GARS1: variants seen among roughly 807,000 people sequenced by gnomAD.
The protein encoded by GARS1 is glycine--tRNA ligase.
In GARS1, 46 loss-of-function variants were observed where a neutral mutation model predicts 86.4. The ratio of observed to expected loss-of-function variants is 0.53; its 90% CI spans 0.42 to 0.68. The LOEUF is 0.68. Among genes scored for constraint, GARS1 ranks in the 30% least tolerant of loss-of-function variants. The probability of loss-of-function intolerance (pLI) is 0.00; values close to 1 mark genes in which losing one functional copy is unlikely to be tolerated. For missense variants in GARS1, 797 were observed against 915.6 expected (o/e 0.87, Z 1.67); for synonymous variants, 342 against 329.8 (o/e 1.04, Z -0.40).
In GARS1 at chr7:30,632,541, T is replaced by TC; in HGVS notation, c.2094+105dup. 1 of 1,266,960 alleles carries TC rather than the reference T, an allele frequency of 7.9e-7. No individual in the cohort carries two copies. Among genetic ancestry groups the TC allele is most frequent in the East Asian group, 2.4e-5 (1 of 40,964 alleles). The allele number at this position is 1,266,960 out of a possible 1,614,324, so 78.5% of individuals were successfully genotyped here. A position where few individuals can be genotyped will look rare whatever the true frequency, so the allele number is the denominator to read the frequency against. On this transcript the variant is annotated intron_variant, in intron 16 of 16. Transcript: ENST00000389266. This position sits in a 1 kb window ranked among gnomAD's most constrained non-coding sequence, Gnocchi z 4.1. ...GTTTATGCTCCCTTTCCTTTTTTTT[T>TC]CTTTTTAATTTTAATGAACGGCTTG... is the stretch of plus-strand genomic sequence containing the variant.
chr7:30,628,168 G>T (rs1783163289), intron 13 of GARS1, among the ~76,000 whole-genome samples: 1 of 151,630 alleles, frequency 6.6e-6, no homozygotes, highest in Non-Finnish European at 1.5e-5. Context: ...TTAGTGCTAA[G>T]AATTTTTTTC....
At chr7:30,608,826 G>A (rs1791534308) in intron 6 of GARS1, among the ~76,000 whole-genome samples, 1 of 152,172 alleles carries the variant, frequency 6.6e-6, no homozygotes, top group South Asian at 2.1e-4. Context: ...CCCATAAGTG[G>A]TGTAGAGTTG....
intron 12 of GARS1, among the ~76,000 whole-genome samples, 196 bp from the exon 13 acceptor site, chr7:30,626,038 T>C (rs1783121234): frequency 6.6e-6 from 1 of 152,254 alleles, no homozygotes; most frequent in African/African-American, 2.4e-5. Flanking sequence ...CAGAGTACTT[T>C]TTGGTGCCAT....
intron 13 of GARS1, 56 bp from the exon 14 acceptor site, chr7:30,628,504 G>A (rs902263054): frequency 1.7e-5 from 22 of 1,281,672 alleles, no homozygotes; most frequent in Non-Finnish European, 2.2e-5. Context: ...GAGAGAATCT[G>A]AAATGCATTA....
Position 30,601,116 on chromosome 7 carries a change from T to A in GARS1, c.485T>A (p.Ile162Asn). The A allele has an allele frequency of 6.2e-7, 1 of 1,614,070 alleles. No homozygotes were observed. Among genetic ancestry groups the A allele is most frequent in the Non-Finnish European group, 8.5e-7 (1 of 1,179,930 alleles). The change falls in exon 4 of 17, where the codon ATT becomes AAT. Residue 162 changes from isoleucine (I) to asparagine (N), a missense_variant. Ile to Asn is a moderately radical substitution (Grantham distance 149). Around this residue, in one of 2 missense-constraint regions of GARS1, gnomAD observed 598 missense variants for 738.7 expected, o/e 0.81. Transcript: ENST00000389266. The stretch of plus-strand genomic sequence containing the variant: ...GGCTGTGCTTTGAAGAACAATATTA[T>A]TCAGACCTGGAGGCAGCACTTTATC... ...PVGCALKNNI[I>N]QTWRQHFIQE...
At chr7:30,629,306 A>G (rs1783192200) in intron 14 of GARS1, among the ~76,000 whole-genome samples, 1 of 152,188 alleles carries the variant, frequency 6.6e-6, no homozygotes, top group Non-Finnish European at 1.5e-5. Context: ...TGAAGATAGA[A>G]GTTTATAAGA....
chr7:30,615,065 A>G (rs909009670), intron 8 of GARS1, among the ~76,000 whole-genome samples: 2 of 152,200 alleles, frequency 1.3e-5, no homozygotes, highest in Non-Finnish European at 2.9e-5. Context: ...TCTCCCGCAA[A>G]TAGCTACTAA....
intron 7 of GARS1, among the ~76,000 whole-genome samples, 191 bp from the exon 8 acceptor site, chr7:30,611,905 C>T (rs916253502): frequency 6.6e-6 from 1 of 152,190 alleles, no homozygotes; most frequent in Admixed American, 6.5e-5. Flanking sequence ...TTACTTAATA[C>T]ATTTTCTAAT....
intron 8 of GARS1, 108 bp downstream of exon 8, chr7:30,612,353 T>G: frequency 9.5e-7 from 1 of 1,056,840 alleles, no homozygotes; most frequent in Non-Finnish European, 1.4e-6. Context: ...GATTATGAAT[T>G]TATTTTTGTT....
chr7:30,627,179 C>G (rs1337865149), intron 13 of GARS1: 1 of 406,722 alleles, frequency 2.5e-6, no homozygotes, highest in Non-Finnish European at 5.0e-6. Flanking sequence ...GAAGCTACTG[C>G]CAGTGGAAAG....
At chr7:30,607,977 A>C (rs1380340466) in intron 6 of GARS1, among the ~76,000 whole-genome samples, 2 of 152,228 alleles carry the variant, frequency 1.3e-5, no homozygotes, top group Admixed American at 6.5e-5. Context: ...TTCACATAAC[A>C]AAATATTTCA....
At position 30,633,835 on chromosome 7, in the gene GARS1, G is replaced by C; in HGVS notation, c.2195G>C (p.Gly732Ala). The change falls in exon 17 of 17, where the codon GGT becomes GCT. Residue 732 changes from glycine to alanine, a missense_variant. By Grantham distance (60) the Gly-to-Ala change is moderately conservative. Around this residue, in one of 2 missense-constraint regions of GARS1, gnomAD observed 598 missense variants for 738.7 expected, o/e 0.81. Coordinates refer to ENST00000389266, the MANE Select transcript of GARS1 (RefSeq NM_002047.4). ...CCTCTGTTTGAAGGGCAAGAGACTG[G>C]TAAAAAAGAGACAATCGAGGAATGA... ...RYPLFEGQET[G>A]KKETIEE 1 of 1,512,774 alleles carries C rather than the reference G, an allele frequency of 6.6e-7. No individual in the cohort carries two copies. Among genetic ancestry groups the C allele is most frequent in the Middle Eastern group, 1.8e-4 (1 of 5,502 alleles). The allele number at this position is 1,512,774 out of a possible 1,614,324, so 93.7% of individuals were successfully genotyped here.
At chr7:30,628,463 G>A (rs1326069820) in intron 13 of GARS1, 97 bp from the exon 14 acceptor site, 9 of 882,612 alleles carry the variant, frequency 1.0e-5, no homozygotes, top group Non-Finnish European at 1.5e-5. Flanking sequence ...GGGATTACAG[G>A]TGTGAGCCAC....
At chr7:30,630,161 A>G (rs546694936) in intron 14 of GARS1, among the ~76,000 whole-genome samples, 79 of 152,356 alleles carry the variant, frequency 5.2e-4, no homozygotes, top group African/African-American at 1.9e-3. Context: ...GAAATTTTAA[A>G]AATTATTTTT....
chr7:30,622,632 G>T (rs889974934), intron 12 of GARS1, 170 bp downstream of exon 12: 5 of 714,454 alleles, frequency 7.0e-6, no homozygotes, highest in Non-Finnish European at 1.2e-5. Flanking sequence ...CCTGAAAAAA[G>T]ATTTGAAATA....
At chr7:30,605,480 A>C (rs1411704639) in intron 6 of GARS1, among the ~76,000 whole-genome samples, 1 of 152,204 alleles carries the variant, frequency 6.6e-6, no homozygotes, top group African/African-American at 2.4e-5. Flanking sequence ...TTTTGTATCT[A>C]TTCCCCTCTC....
intron 3 of GARS1, among the ~76,000 whole-genome samples, chr7:30,600,464 ATT>A (rs948628943): frequency 1.3e-5 from 2 of 152,254 alleles, no homozygotes; most frequent in Non-Finnish European, 2.9e-5. Flanking sequence ...AGGAGAAAAC[ATT>A]CTTCCCAGGG....
rs1345359089 is a variant in GARS1 at position 30,601,127 on chromosome 7, A to G, written c.496A>G (p.Arg166Gly). ...GAAGAACAATATTATTCAGACCTGG[A>G]GGCAGCACTTTATCCAAGAGGAACA... ...ALKNNIIQTW[R>G]QHFIQEEQIL... is the part of the protein sequence containing the mutation. The change falls in exon 4 of 17, where the codon AGG becomes GGG. Residue 166 changes from arginine (R) to glycine (G), a missense_variant. This residue lies in a region of GARS1 where 598 missense variants were observed against 738.7 expected (regional missense o/e 0.81). Coordinates refer to ENST00000389266, the MANE Select transcript of GARS1 (RefSeq NM_002047.4). 5 of 1,613,968 alleles carry G rather than the reference A, an allele frequency of 3.1e-6. No homozygotes were observed. Among genetic ancestry groups the G allele is most frequent in the Non-Finnish European group, 4.2e-6 (5 of 1,179,968 alleles).
Position 30,621,408 on chromosome 7 carries a change from G to A in GARS1, c.1375G>A (p.Val459Ile), listed in dbSNP as rs1315120109. ...ATCTTTTTAGGGTTGGATTGAGATT[G>A]TTGGATGTGCTGATCGTTCCTGTTA... ...SKTSYGWIEI[V>I]GCADRSCYDL... is the part of the protein sequence containing the mutation. The change falls in exon 11 of 17, where the codon GTT becomes ATT. Residue 459 changes from valine to isoleucine, a missense_variant. By Grantham distance (29) the Val-to-Ile change is conservative. Around this residue, in one of 2 missense-constraint regions of GARS1, gnomAD observed 598 missense variants for 738.7 expected, o/e 0.81. Transcript: ENST00000389266. 1.2e-6 allele frequency: 2 copies of A among 1,614,084 alleles called. No homozygotes were observed. Among genetic ancestry groups the A allele is most frequent in the African/African-American group, 2.7e-5 (2 of 75,054 alleles).
Sources: allele counts gnomAD v4.1 joint callset (sites outside exome capture counted in the v4.1 genomes callset), GRCh38; gene constraint gnomAD v4.1.1; regional missense constraint gnomAD v4.1.1; non-coding constraint Gnocchi (gnomAD v3.1); transcripts MANE v1.5; gene names NCBI Gene and HGNC (gene_info 2026-07-23, HGNC 2026-07-21).